The following RIMS2 variants were observed in gnomAD, a reference collection of about 807,000 sequenced individuals.
The protein encoded by RIMS2 is regulating synaptic membrane exocytosis protein 2.
A neutral mutation model predicts 174.4 loss-of-function variants in RIMS2; 59 were observed. The observed-to-expected ratio is 0.34, with a 90% confidence interval of 0.27 to 0.42. RIMS2 has a LOEUF of 0.42. RIMS2 is among the 10% of genes least tolerant of loss of function. RIMS2 has a pLI of 1.00. For missense variants in RIMS2, 1,620 were observed against 1,666.3 expected (o/e 0.97, Z 0.48); for synonymous variants, 606 against 572.5 (o/e 1.06, Z -0.84).
chr8:104,056,360 C>T (rs199603728), intron 19 of RIMS2, among the ~76,000 whole-genome samples: 2 of 151,058 alleles, frequency 1.3e-5, no homozygotes, highest in Admixed American at 1.3e-4. Flanking sequence ...GCCGAGATCA[C>T]GCCATTGCAC....
intron 3 of RIMS2, among the ~76,000 whole-genome samples, chr8:103,831,297 C>T (rs1593324313): frequency 6.6e-6 from 1 of 152,148 alleles, no homozygotes; most frequent in African/African-American, 2.4e-5. Context: ...TTAAAAGACA[C>T]ATACCAAAGT....
intron 1 of RIMS2, among the ~76,000 whole-genome samples, chr8:103,513,519 C>T (rs990948604): frequency 6.6e-6 from 1 of 152,122 alleles, no homozygotes; most frequent in African/African-American, 2.4e-5. Context: ...CCTAATCAAA[C>T]ATTGATATTT....
At chr8:104,094,502 G>A (rs1343856450) in intron 19 of RIMS2, 3 of 685,220 alleles carry the variant, frequency 4.4e-6, no homozygotes, top group Non-Finnish European at 8.0e-6. Context: ...AAGAGGGAGG[G>A]AAAGAAGGGG....
chr8:103,924,699 T>C (rs1222577028), intron 10 of RIMS2, among the ~76,000 whole-genome samples: 2 of 151,668 alleles, frequency 1.3e-5, no homozygotes, highest in Admixed American at 1.3e-4. Flanking sequence ...ATTCTGTCAG[T>C]TCATGTCTCA....
chr8:104,136,000 A>G (rs2133246236), intron 19 of RIMS2, among the ~76,000 whole-genome samples: 1 of 152,356 alleles, frequency 6.6e-6, no homozygotes, highest in Middle Eastern at 3.4e-3. Flanking sequence ...TGAGGCACAA[A>G]GACTACTTTG....
intron 2 of RIMS2, among the ~76,000 whole-genome samples, chr8:103,739,421 C>T (rs2097731285): frequency 6.6e-6 from 1 of 152,132 alleles, no homozygotes; most frequent in East Asian, 1.9e-4. Flanking sequence ...GGAGATATAC[C>T]TAATGTAAAT....
chr8:104,144,258 C>T (rs190412780), intron 19 of RIMS2, among the ~76,000 whole-genome samples: 1 of 152,290 alleles, frequency 6.6e-6, no homozygotes, highest in African/African-American at 2.4e-5. Context: ...TAAATATATA[C>T]AGTTTTTATT....
At chr8:103,979,128 A>G (rs769654120) in intron 16 of RIMS2, among the ~76,000 whole-genome samples, 3 of 152,202 alleles carry the variant, frequency 2.0e-5, no homozygotes, top group Non-Finnish European at 2.9e-5. Context: ...TTATAAGTGA[A>G]ATAATTGAGA....
At chr8:103,669,943 G>T (rs1484902711) in intron 1 of RIMS2, among the ~76,000 whole-genome samples, 2 of 152,226 alleles carry the variant, frequency 1.3e-5, no homozygotes, top group Admixed American at 1.3e-4. Flanking sequence ...CCCCAGTGTG[G>T]ACTCTGTGTG....
chr8:103,746,667 C>T (rs950575312), intron 2 of RIMS2, among the ~76,000 whole-genome samples: 5 of 151,908 alleles, frequency 3.3e-5, no homozygotes, highest in Non-Finnish European at 5.9e-5. Context: ...CATGTATTCT[C>T]ATCATTTAGT....
At chr8:103,844,322 G>A (rs536383031) in intron 3 of RIMS2, among the ~76,000 whole-genome samples, 2 of 152,230 alleles carry the variant, frequency 1.3e-5, no homozygotes, top group East Asian at 3.9e-4. Flanking sequence ...AGTGTGCTTA[G>A]CAGCCTCTAG....
intron 15 of RIMS2, among the ~76,000 whole-genome samples, chr8:103,973,155 C>A (rs1225580897): frequency 2.0e-5 from 3 of 152,204 alleles, no homozygotes; most frequent in Admixed American, 6.5e-5. Flanking sequence ...AGTATTACTT[C>A]CATCATCAGA....
chr8:103,949,975 A>T (rs1373481463), intron 14 of RIMS2, among the ~76,000 whole-genome samples: 1 of 152,150 alleles, frequency 6.6e-6, no homozygotes, highest in Non-Finnish European at 1.5e-5. Flanking sequence ...TTAAAAAGAC[A>T]GTAAGGGAAA....
At chr8:104,092,335 T>C (rs996994235) in intron 19 of RIMS2, among the ~76,000 whole-genome samples, 1 of 151,824 alleles carries the variant, frequency 6.6e-6, no homozygotes, top group African/African-American at 2.4e-5. Flanking sequence ...AATTTGCTAG[T>C]ATCTGTGATT....
At chr8:103,878,861 T>A (rs1485800569) in intron 3 of RIMS2, among the ~76,000 whole-genome samples, 1 of 151,492 alleles carries the variant, frequency 6.6e-6, no homozygotes, top group South Asian at 2.1e-4. Context: ...ATGAATAAAA[T>A]AAAAATTAAT....
At chr8:103,530,821 T>C (rs1836703929) in intron 1 of RIMS2, among the ~76,000 whole-genome samples, 1 of 151,970 alleles carries the variant, frequency 6.6e-6, no homozygotes, top group African/African-American at 2.4e-5. Context: ...TCTATGGTGT[T>C]AGAAATCATA....
intron 1 of RIMS2, among the ~76,000 whole-genome samples, chr8:103,533,963 A>T (rs960449014): frequency 6.6e-6 from 1 of 152,230 alleles, no homozygotes; most frequent in Non-Finnish European, 1.5e-5. Flanking sequence ...TCTATCAAAT[A>T]GAAGTGTGAT....
chr8:104,192,293 C>T (rs1344730844), intron 19 of RIMS2, among the ~76,000 whole-genome samples: 1 of 151,870 alleles, frequency 6.6e-6, no homozygotes, highest in African/African-American at 2.4e-5. Flanking sequence ...AGGTAGAGTG[C>T]TAGTCTGAAT....
At chr8:103,817,419 A>C (rs1003782244) in intron 3 of RIMS2, among the ~76,000 whole-genome samples, 6 of 152,242 alleles carry the variant, frequency 3.9e-5, no homozygotes, top group Non-Finnish European at 8.8e-5. Flanking sequence ...AGTCCAAAGC[A>C]AAGACAAAAG....
Sources: allele counts gnomAD v4.1 joint callset (sites outside exome capture counted in the v4.1 genomes callset), GRCh38; gene constraint gnomAD v4.1.1; transcripts MANE v1.5; gene names NCBI Gene and HGNC (gene_info 2026-07-23, HGNC 2026-07-21).